FAM120C: variants seen among roughly 807,000 people sequenced by gnomAD.
FAM120C encodes constitutive coactivator of PPAR-gamma-like protein 2.
FAM120C carries 14 observed loss-of-function variants against 71.2 expected under a neutral mutation model. The ratio of observed to expected loss-of-function variants is 0.20; its 90% CI spans 0.13 to 0.31. The LOEUF is 0.31. Ranked by LOEUF, FAM120C falls within the 10% of genes least tolerant of loss-of-function variation. The probability of loss-of-function intolerance (pLI) is 1.00; values close to 1 mark genes in which losing one functional copy is unlikely to be tolerated. For synonymous variants in FAM120C, 354 were observed against 353.2 expected (o/e 1.00, Z -0.03); for missense variants, 500 against 879.0 (o/e 0.57, Z 5.45).
intron 1 of FAM120C, among the ~76,000 whole-genome samples, chrX:54,164,034 GC>G (rs1277162483): frequency 9.1e-6 from 1 of 109,422 alleles, no homozygotes; most frequent in Non-Finnish European, 1.9e-5. Context: ...CCAGGTTTAA[GC>G]GATCCTCCTG....
At chrX:54,106,807 C>G (rs1019920717) in intron 10 of FAM120C, among the ~76,000 whole-genome samples, 1 of 112,145 alleles carries the variant, frequency 8.9e-6, no homozygotes, top group Admixed American at 9.5e-5. Flanking sequence ...AAATGCTCAT[C>G]ATCAGTGGTC....
chrX:54,126,045 A>G (rs2067025690), intron 9 of FAM120C, among the ~76,000 whole-genome samples: 1 of 112,322 alleles, frequency 8.9e-6, no homozygotes, highest in Non-Finnish European at 1.9e-5. Flanking sequence ...CAATTTTTAT[A>G]TATTTATCTT....
At chrX:54,104,221 T>C (rs1331762439) in intron 10 of FAM120C, among the ~76,000 whole-genome samples, 3 of 111,554 alleles carry the variant, frequency 2.7e-5, no homozygotes, top group African/African-American at 9.8e-5. Context: ...GTGATGACTA[T>C]TGTATGCGCA....
In FAM120C at chrX:54,173,616, CATTTT is replaced by C. The variant is rs782104954; in HGVS notation, c.699+8879_699+8883del. On this transcript the variant is annotated intron_variant, in intron 1 of 15. Transcript: ENST00000375180. ...TTAAATCGTAGTCTTTCAACAGACA[CATTTT>C]ATTTAGACGTATATGAAAATTCATC... 8.0e-5 allele frequency among the ~76,000 whole-genome samples: 9 copies of C among 112,625 alleles called. No homozygotes were observed. In the East Asian group the frequency reaches 2.5e-3, roughly 31 times the overall value.
At chrX:54,118,699 CTTTTTTT>C (rs1187381929) in intron 9 of FAM120C, among the ~76,000 whole-genome samples, 340 of 31,717 alleles carry the variant, frequency 0.011, 1 homozygote, top group Middle Eastern at 0.044. Flanking sequence ...TTCTTTTTTT[CTTTTTTT>C]TTTTTTTTTT....
intron 10 of FAM120C, among the ~76,000 whole-genome samples, chrX:54,094,686 C>T (rs2066841256): frequency 9.2e-6 from 1 of 108,331 alleles, no homozygotes; most frequent in Non-Finnish European, 1.9e-5. Context: ...ATCACGAGGT[C>T]AGGAGTTCAA....
chrX:54,095,962 T>G (rs1469283464), intron 10 of FAM120C, among the ~76,000 whole-genome samples: 2 of 111,950 alleles, frequency 1.8e-5, no homozygotes, highest in African/African-American at 6.5e-5. Context: ...GGCCACATCT[T>G]TTAATTTTAA....
intron 1 of FAM120C, among the ~76,000 whole-genome samples, chrX:54,176,870 T>C (rs2067321322): frequency 9.0e-6 from 1 of 110,940 alleles, no homozygotes; most frequent in African/African-American, 3.3e-5. Context: ...TTATGCGATA[T>C]GAAAATACTA....
At position 54,087,269 on chromosome X, in the gene FAM120C, C is replaced by T. The variant is rs186144951; in HGVS notation, c.2637+486G>A. On this transcript the variant is annotated intron_variant, in intron 12 of 15. Coordinates refer to ENST00000375180, the MANE Select transcript of FAM120C (RefSeq NM_017848.6). ...TGGAGGTTGCAGTGAGCCGAGGTCA[C>T]GCCACTGCATTCCAGCCTGGCGACA... 3.6e-3 allele frequency among the ~76,000 whole-genome samples: 375 copies of T among 104,027 alleles called. 1 individual carries two copies. The highest frequency in any genetic ancestry group is 6.6e-3 in the Non-Finnish European group (339 of 51,194). 90.3% of individuals were successfully genotyped at this position (104,027 alleles called of 115,157 possible).
chrX:54,163,662 A>G (rs1356548086), intron 1 of FAM120C, among the ~76,000 whole-genome samples: 1 of 111,499 alleles, frequency 9.0e-6, no homozygotes, highest in Non-Finnish European at 1.9e-5. Flanking sequence ...TTTATGGTAT[A>G]TGAGTTATAC....
intron 15 of FAM120C, among the ~76,000 whole-genome samples, chrX:54,075,550 G>C (rs1393017809): frequency 8.9e-6 from 1 of 111,863 alleles, no homozygotes; most frequent in East Asian, 2.8e-4. Flanking sequence ...TGTAATCCTA[G>C]CACTTTGGGA....
At chrX:54,145,874 A>G (rs1557132306) in intron 4 of FAM120C, among the ~76,000 whole-genome samples, 1 of 112,231 alleles carries the variant, frequency 8.9e-6, no homozygotes, top group African/African-American at 3.2e-5. Context: ...TTACTGTGGC[A>G]CTATTCACAA....
At chrX:54,129,786 G>A (rs1253553715) in intron 9 of FAM120C, among the ~76,000 whole-genome samples, 1 of 112,352 alleles carries the variant, frequency 8.9e-6, no homozygotes, top group Non-Finnish European at 1.9e-5. Context: ...GGGAGGCCGA[G>A]GCTGGCGGAT....
At position 54,183,079 on chromosome X, in the gene FAM120C, G is replaced by A; in HGVS notation, c.120C>T (p.His40=). The change falls in exon 1 of 16, where the codon CAC becomes CAT. Residue 40 remains histidine, a synonymous_variant. Coordinates refer to ENST00000375180, the MANE Select transcript of FAM120C (RefSeq NM_017848.6). The part of the protein sequence containing the change: ...VSRQQQQQHL[H]RQLPPTAALA... The stretch of plus-strand genomic sequence containing the variant: ...GGGCTGCAGTCGGCGGCAGCTGGCG[G>A]TGCAAGTGCTGCTGCTGCTGCTGGC... 8.6e-7 allele frequency: 1 copy of A among 1,157,372 alleles called. No homozygotes were observed. Among genetic ancestry groups the A allele is most frequent in the Non-Finnish European group, 1.1e-6 (1 of 871,725 alleles).
Position 54,182,713 on chromosome X carries a change from G to C in FAM120C, c.486C>G (p.Gly162=). 1 of 1,209,304 alleles carries C rather than the reference G, an allele frequency of 8.3e-7. No homozygotes were observed. Residue 162 remains glycine (G), a synonymous_variant, in exon 1 of 16, where the codon GGC becomes GGG. Transcript: ENST00000375180. The part of the protein sequence containing the change: ...ALCQACAYPG[G]DGLELVVMFP... ...ACATGACCACGAGCTCCAGGCCGTC[G>C]CCGCCAGGATAGGCACAAGCCTGGC... is the stretch of plus-strand genomic sequence containing the variant.
At chrX:54,073,652 G>A (rs1169172361) in intron 15 of FAM120C, among the ~76,000 whole-genome samples, 3 of 109,965 alleles carry the variant, frequency 2.7e-5, no homozygotes, top group Admixed American at 9.8e-5. Context: ...GCCTGGTGTC[G>A]AACTCCTGGC....
chrX:54,116,653 T>C lies in FAM120C; in HGVS notation c.2204A>G (p.Lys735Arg). 8.3e-7 allele frequency: 1 copy of C among 1,211,869 alleles called. No individual in the cohort carries two copies. Among genetic ancestry groups the C allele is most frequent in the Non-Finnish European group, 1.1e-6 (1 of 895,591 alleles). ...CAGGAAGGCCCGCATCCTTCTGTTC[T>C]TGTCTTCAACTGCTTTGCCTAGCCA... Reference protein sequence around the residue: ...KLWLGKAVEDKNRRMRAFLAC... With the variant: ...KLWLGKAVEDRNRRMRAFLAC... The change falls in exon 10 of 16, where the codon AAG becomes AGG. Residue 735 changes from lysine (K) to arginine (R), a missense_variant. Around this residue, in one of 11 missense-constraint regions of FAM120C, gnomAD observed 104 missense variants for 254.5 expected, o/e 0.41. Coordinates refer to ENST00000375180, the MANE Select transcript of FAM120C (RefSeq NM_017848.6).
chrX:54,181,183 T>C (rs1262393665), intron 1 of FAM120C, among the ~76,000 whole-genome samples: 1 of 111,081 alleles, frequency 9.0e-6, no homozygotes, highest in Non-Finnish European at 1.9e-5. Context: ...CAAGCTTCTC[T>C]GTTTAGGTCT....
chrX:54,143,198 C>T (rs2067135509), intron 4 of FAM120C, among the ~76,000 whole-genome samples: 1 of 111,218 alleles, frequency 9.0e-6, no homozygotes, highest in Non-Finnish European at 1.9e-5. Context: ...ACTAAATGCC[C>T]ACAAGAGAAA....
Sources: allele counts gnomAD v4.1 joint callset (sites outside exome capture counted in the v4.1 genomes callset), GRCh38; gene constraint gnomAD v4.1.1; regional missense constraint gnomAD v4.1.1; transcripts MANE v1.5; gene names NCBI Gene and HGNC (gene_info 2026-07-23, HGNC 2026-07-21).